Variants in WDFY3 observed in about 807,000 individuals in gnomAD.
The protein encoded by WDFY3 is WD repeat and FYVE domain-containing protein 3.
Under a neutral mutation model 409.6 loss-of-function variants are expected in WDFY3, and 66 were observed. That is an observed-to-expected ratio of 0.16 (90% CI 0.13 to 0.20). The LOEUF (loss-of-function observed/expected upper bound fraction) is 0.20, where lower values mean the gene tolerates loss of function less well. WDFY3 is among the 10% of genes least tolerant of loss of function. The pLI, the probability that WDFY3 is intolerant of heterozygous loss-of-function variation, is 1.00. For missense variants in WDFY3, 3,031 were observed against 4,298.1 expected (o/e 0.71, Z 8.24); for synonymous variants, 1,521 against 1,537.1 (o/e 0.99, Z 0.25).
At chr4:84,776,681 C>G (rs1192214220) in intron 27 of WDFY3, among the ~76,000 whole-genome samples, 1 of 151,980 alleles carries the variant, frequency 6.6e-6, no homozygotes, top group Non-Finnish European at 1.5e-5. Flanking sequence ...GCTGTGGACT[C>G]TTACTTTTTC....
chr4:84,778,790 G>A, intron 26 of WDFY3, 135 bp from the exon 27 acceptor site: 1 of 736,262 alleles, frequency 1.4e-6, no homozygotes, highest in Non-Finnish European at 1.9e-6. Flanking sequence ...ATCCTATGTA[G>A]ATGATTTTCT....
rs777253681 is a variant in WDFY3, at chr4:84,726,864, T to C, written c.7269A>G (p.Gln2423=). 3.7e-5 allele frequency: 59 copies of C among 1,606,076 alleles called. No individual in the cohort carries two copies. Among genetic ancestry groups the C allele is most frequent in the Non-Finnish European group, 4.8e-5 (57 of 1,177,682 alleles). Residue 2423 remains glutamine, a synonymous_variant, in exon 45 of 68, where the codon CAA becomes CAG. Transcript: ENST00000295888. ...KQPETPDDIP[Q]KKPARYRRAV... ...TTTACTGTAATTTGTGTTTTACCTT[T>C]TGAGGAATATCATCGGGTGTCTCAG... is the stretch of plus-strand genomic sequence containing the variant.
At chr4:84,795,969 A>G (rs994118711) in intron 19 of WDFY3, among the ~76,000 whole-genome samples, 15 of 152,076 alleles carry the variant, frequency 9.9e-5, no homozygotes, top group African/African-American at 3.6e-4. Context: ...TTTATAATGT[A>G]TAAATTATTA....
At chr4:84,707,898 T>C (rs1732240329) in intron 53 of WDFY3, among the ~76,000 whole-genome samples, 1 of 152,236 alleles carries the variant, frequency 6.6e-6, no homozygotes, top group Admixed American at 6.5e-5. Flanking sequence ...CATTCTTTCA[T>C]TAGACCAAAA....
chr4:84,896,046 A>C (rs1765586501), intron 3 of WDFY3, among the ~76,000 whole-genome samples: 1 of 152,058 alleles, frequency 6.6e-6, no homozygotes, highest in Non-Finnish European at 1.5e-5. Flanking sequence ...TCACGAGGTC[A>C]AGAGATGGAG....
intron 4 of WDFY3, among the ~76,000 whole-genome samples, chr4:84,852,405 G>A (rs1578820722): frequency 1.3e-5 from 2 of 152,254 alleles, no homozygotes; most frequent in Non-Finnish European, 2.9e-5. Flanking sequence ...AGGGATTACT[G>A]CATAATATAA....
chr4:84,902,694 C>T (rs1766500478), intron 2 of WDFY3, among the ~76,000 whole-genome samples: 1 of 152,300 alleles, frequency 6.6e-6, no homozygotes, highest in Non-Finnish European at 1.5e-5. Flanking sequence ...GATATTCCTA[C>T]TTTTAAAAGG....
intron 1 of WDFY3, among the ~76,000 whole-genome samples, chr4:84,960,046 T>G (rs577950783): frequency 6.6e-6 from 1 of 152,172 alleles, no homozygotes; most frequent in Non-Finnish European, 1.5e-5. Flanking sequence ...CTCAATAGTA[T>G]AGTAAATGTT....
intron 50 of WDFY3, 65 bp downstream of exon 50, chr4:84,715,231 CTG>C (rs1333111530): frequency 7.1e-6 from 6 of 847,960 alleles, no homozygotes; most frequent in Admixed American, 5.1e-5. Context: ...ACCAGCAAAA[CTG>C]AGAAAAGATT....
chr4:84,788,887 G>A (rs533461129), intron 22 of WDFY3, among the ~76,000 whole-genome samples: 2 of 152,260 alleles, frequency 1.3e-5, no homozygotes, highest in African/African-American at 4.8e-5. Flanking sequence ...ACGTGTGGTG[G>A]CACATGCCTG....
At chr4:84,785,020 C>A (rs1747303470) in intron 24 of WDFY3, among the ~76,000 whole-genome samples, 2 of 151,812 alleles carry the variant, frequency 1.3e-5, no homozygotes, top group Admixed American at 1.3e-4. Flanking sequence ...GCATTGGCCT[C>A]ATAACTTGTC....
intron 58 of WDFY3, 34 bp from the exon 59 acceptor site, chr4:84,693,066 A>G (rs1729516001): frequency 6.3e-7 from 1 of 1,597,450 alleles, no homozygotes; most frequent in Admixed American, 1.8e-5. Flanking sequence ...CTTTATAATG[A>G]AAGATAACAC....
Position 84,682,466 on chromosome 4 carries a change from C to G in WDFY3, c.9731G>C (p.Trp3244Ser). 6.2e-7 allele frequency: 1 copy of G among 1,612,516 alleles called. No individual in the cohort carries two copies. Among genetic ancestry groups the G allele is most frequent in the Non-Finnish European group, 8.5e-7 (1 of 1,179,594 alleles). ...AGGAACTTGCAAAAATTCCATTCTC[C>G]AAAACTAAATTTAAATAAGTACAAA... ...TGHSDGVVRF[W>S]RMEFLQVPET... Residue 3244 changes from tryptophan (W) to serine (S), a missense_variant, in exon 64 of 68, where the codon TGG (tryptophan) becomes TCG (serine). This residue lies in a region of WDFY3 where 378 missense variants were observed against 477.3 expected (regional missense o/e 0.79). Coordinates refer to ENST00000295888, the MANE Select transcript of WDFY3 (RefSeq NM_014991.6).
Position 84,945,661 on chromosome 4 carries a change from T to C in WDFY3, c.-225-13298A>G, listed in dbSNP as rs1772729031. Reference sequence around the variant, plus strand: ...GGGTGCTGTCCTATAGTACATAAAATAAGCTCTGAACCACCCACTAATATA... The same window carrying C: ...GGGTGCTGTCCTATAGTACATAAAACAAGCTCTGAACCACCCACTAATATA... On this transcript the variant is annotated intron_variant, in intron 1 of 67. Transcript: ENST00000295888. Among the ~76,000 whole-genome samples the C allele has an allele frequency of 6.6e-5, 10 of 152,210 alleles. No individual in the cohort carries two copies. The South Asian group carries it at 2.1e-3, about 32-fold the overall frequency.
intron 6 of WDFY3, among the ~76,000 whole-genome samples, chr4:84,837,924 G>A (rs1203407323): frequency 1.3e-5 from 2 of 152,246 alleles, no homozygotes; most frequent in South Asian, 2.1e-4. Flanking sequence ...GACCACAGTC[G>A]ACTGGAATTA....
chr4:84,883,342 T>C (rs1474936421), intron 3 of WDFY3, among the ~76,000 whole-genome samples: 1 of 152,222 alleles, frequency 6.6e-6, no homozygotes, highest in Non-Finnish European at 1.5e-5. Context: ...GTGACAATAT[T>C]TGAAATATGT....
At chr4:84,776,998 A>G (rs1745665873) in intron 27 of WDFY3, among the ~76,000 whole-genome samples, 1 of 152,134 alleles carries the variant, frequency 6.6e-6, no homozygotes, top group African/African-American at 2.4e-5. Flanking sequence ...GTAGAAGCAG[A>G]AAAGGCAGAC....
intron 30 of WDFY3, among the ~76,000 whole-genome samples, chr4:84,766,944 G>A (rs1743754458): frequency 6.6e-6 from 1 of 152,154 alleles, no homozygotes; most frequent in Non-Finnish European, 1.5e-5. Flanking sequence ...ACACAGAACT[G>A]GGCATCAACA....
intron 25 of WDFY3, among the ~76,000 whole-genome samples, chr4:84,782,710 G>T (rs572359051): frequency 1.3e-5 from 2 of 152,288 alleles, no homozygotes; most frequent in South Asian, 2.1e-4. Context: ...CAAAGGACAT[G>T]ATCTCATTCC....
Sources: gnomAD v4.1 joint callset for allele counts (sites outside exome capture counted in the v4.1 genomes callset) on GRCh38, gnomAD v4.1.1 for gene constraint, gnomAD v4.1.1 regional missense constraint, MANE v1.5 for transcripts, NCBI Gene and HGNC (gene_info 2026-07-23, HGNC 2026-07-21) for gene names.